The following PHLDA3 variants were observed in gnomAD, a reference collection of about 807,000 sequenced individuals.
The protein encoded by PHLDA3 is pleckstrin homology-like domain family A member 3.
In PHLDA3, 12 loss-of-function variants were observed where a neutral mutation model predicts 7.6. The ratio of observed to expected loss-of-function variants is 1.58; its 90% CI spans 1.01 to 2.55. The LOEUF is 2.55. PHLDA3 is among the 30% of genes most tolerant of loss of function. The probability of loss-of-function intolerance (pLI) is 0.00; values close to 1 mark genes in which losing one functional copy is unlikely to be tolerated. For synonymous variants in PHLDA3, 104 were observed against 85.1 expected (o/e 1.22, Z -1.23); for missense variants, 177 against 175.6 (o/e 1.01, Z -0.05).
chr1:201,468,027 C>A (rs1168236508), intron 1 of PHLDA3, among the ~76,000 whole-genome samples: 1 of 152,244 alleles, frequency 6.6e-6, no homozygotes, highest in Admixed American at 6.5e-5. Context: ...CCTCCCTCTA[C>A]TTCCTTCCAC....
chr1:201,466,790 TAAC>T (rs1378488703), intron 1 of PHLDA3: 3 of 151,858 alleles, frequency 2.0e-5, no homozygotes, highest in Admixed American at 1.3e-4. Flanking sequence ...ACATCACAAA[TAAC>T]AACTCATGAC....
rs1246476564 is a variant in PHLDA3 at position 201,468,729 on chromosome 1, C to T, written c.58G>A (p.Gly20Ser). Residue 20 changes from glycine (G) to serine (S), a missense_variant, in exon 1 of 2, where the codon GGC becomes AGC. By Grantham distance (56) the Gly-to-Ser change is moderately conservative. Coordinates refer to ENST00000367311, the MANE Select transcript of PHLDA3 (RefSeq NM_012396.5). Reference protein sequence around the residue: ...LKEGVLEKRSGGLLQLWKRKR... With the variant: ...LKEGVLEKRSSGLLQLWKRKR... ...CGCTTCCACAGCTGCAGCAGCCCGC[C>T]GCTGCGCTTCTCCAGCACGCCCTCC... is the stretch of plus-strand genomic sequence containing the variant. 6.2e-7 allele frequency: 1 copy of T among 1,600,944 alleles called. No homozygotes were observed. Among genetic ancestry groups the T allele is most frequent in the Admixed American group, 1.7e-5 (1 of 59,284 alleles).
intron 1 of PHLDA3, chr1:201,467,695 G>A (rs533630598): frequency 2.0e-5 from 3 of 152,272 alleles, no homozygotes; most frequent in Admixed American, 6.6e-5. Context: ...TGTAGAGGAG[G>A]AGCTGGATCC....
At position 201,468,341 on chromosome 1, in the gene PHLDA3, C is replaced by T; in HGVS notation, c.*62G>A. 1.3e-6 allele frequency: 2 copies of T among 1,585,844 alleles called. No individual in the cohort carries two copies. Among genetic ancestry groups the T allele is most frequent in the Non-Finnish European group, 1.7e-6 (2 of 1,165,548 alleles). ...AGGGCCCAGTCCCCCGGGGGCTTAC[C>T]TGCCTTGACCTCAGCACTGAGGTGG... On this transcript the variant is annotated splice_region_variant and 3_prime_UTR_variant, in exon 1 of 2. Transcript: ENST00000367311.
Position 201,465,586 on chromosome 1 carries a change from C to T in PHLDA3, c.*655G>A, listed in dbSNP as rs1229625788. On this transcript the variant is annotated 3_prime_UTR_variant, in exon 2 of 2. Transcript: ENST00000367311. ...CCCCTCACCCCCACCACCTTCAGGC[C>T]GAACACCGCAGTGGGGGGAAGATGC... 4 of 155,062 alleles carry T rather than the reference C, an allele frequency of 2.6e-5. No individual in the cohort carries two copies. Among genetic ancestry groups the T allele is most frequent in the East Asian group, 1.9e-4 (1 of 5,202 alleles). 9.6% of individuals were successfully genotyped at this position (155,062 alleles called of 1,614,324 possible).
intron 1 of PHLDA3, 39 bp downstream of exon 1, chr1:201,468,302 G>A (rs1432535521): frequency 1.6e-6 from 2 of 1,262,748 alleles, no homozygotes; most frequent in Non-Finnish European, 1.1e-6. Context: ...AGAGAAGGGA[G>A]GGAAGGAGAG....
rs1174568885 is a variant in PHLDA3 at position 201,468,828 on chromosome 1, C to A, written c.-42G>T. 1.4e-6 allele frequency: 2 copies of A among 1,472,248 alleles called. No homozygotes were observed. The highest frequency in any genetic ancestry group is 2.7e-5 in the South Asian group (2 of 74,968). The allele number at this position is 1,472,248 out of a possible 1,614,324, so 91.2% of individuals were successfully genotyped here. ...GCGGAAAGCTCCAGGCTGCGGCGGGCGCGGCGCCCCTCTCGGCCCCGCAGC... is the reference window on the plus strand; with the variant it reads ...GCGGAAAGCTCCAGGCTGCGGCGGGAGCGGCGCCCCTCTCGGCCCCGCAGC... On this transcript the variant is annotated 5_prime_UTR_variant, in exon 1 of 2. Transcript: ENST00000367311.
rs1663758238 is a variant in PHLDA3 at position 201,469,000 on chromosome 1, C to G, written c.-214G>C. On this transcript the variant is annotated 5_prime_UTR_variant, in exon 1 of 2. Coordinates refer to ENST00000367311, the MANE Select transcript of PHLDA3 (RefSeq NM_012396.5). ...CCAGCGCGCTCCGCGCCCACCGCCC[C>G]GCTTCAGCCGGCACCCGCTCCTCCG... The G allele has an allele frequency of 2.2e-6, 1 of 459,336 alleles. No homozygotes were observed. Among genetic ancestry groups the G allele is most frequent in the East Asian group, 4.1e-5 (1 of 24,562 alleles). The allele number at this position is 459,336 out of a possible 1,614,324, so 28.5% of individuals were successfully genotyped here.
intron 1 of PHLDA3, chr1:201,467,636 CCATACACACACACACA>C (rs1663698694): frequency 1.1e-5 from 1 of 87,726 alleles, no homozygotes; most frequent in South Asian, 4.2e-4. Flanking sequence ...CAACAACAAA[CCATACACACACACACA>C]CACACACACA....
At chr1:201,468,191 T>A in intron 1 of PHLDA3, 150 bp downstream of exon 1, 1 of 617,180 alleles carries the variant, frequency 1.6e-6, no homozygotes, top group Non-Finnish European at 2.7e-6. Flanking sequence ...GGTTGGCCAC[T>A]GGCCCAAGCC....
intron 1 of PHLDA3, among the ~76,000 whole-genome samples, chr1:201,467,291 G>A (rs947719533): frequency 6.6e-6 from 1 of 152,084 alleles, no homozygotes; most frequent in Non-Finnish European, 1.5e-5. Flanking sequence ...ACCAGTCTGG[G>A]CGACAGGTAG....
chr1:201,468,619 G>A lies in PHLDA3; in HGVS notation c.168C>T (p.Ala56=), dbSNP rs753663475. ...TGGRPKELSF[A]RIKAVECVES... ...CCACGCACTCCACGGCCTTGATGCG[G>A]GCGAAGCTGAGCTCCTTGGGCCGGC... is the stretch of plus-strand genomic sequence containing the variant. Residue 56 remains alanine (A), a synonymous_variant, in exon 1 of 2, where the codon GCC becomes GCT. Coordinates refer to ENST00000367311, the MANE Select transcript of PHLDA3 (RefSeq NM_012396.5). 6.2e-7 allele frequency: 1 copy of A among 1,613,650 alleles called. No homozygotes were observed. The highest frequency in any genetic ancestry group is 1.1e-5 in the South Asian group (1 of 91,080).
In PHLDA3 at chr1:201,464,514, G is replaced by C. The variant is rs916883533; in HGVS notation, c.*1727C>G. On this transcript the variant is annotated 3_prime_UTR_variant, in exon 2 of 2. Transcript: ENST00000367311. ...CTCTGAGGGACTGGGGCACAGGACA[G>C]GGAAGTTTTTATTGGAAGGCGAGAG... 6.6e-6 allele frequency: 1 copy of C among 152,260 alleles called. No individual in the cohort carries two copies. Among genetic ancestry groups the C allele is most frequent in the Admixed American group, 6.5e-5 (1 of 15,288 alleles). 9.4% of individuals were successfully genotyped at this position (152,260 alleles called of 1,614,324 possible). A position where few individuals can be genotyped will look rare whatever the true frequency, so the allele number is the denominator to read the frequency against.
rs2102391940 is a variant in PHLDA3 at position 201,465,046 on chromosome 1, A to C, written c.*1195T>G. ...AGGCTGGTCTCAAATTCCTGACCTC[A>C]GGTGATCCACCCACCTCAGCCTCCC... On this transcript the variant is annotated 3_prime_UTR_variant, in exon 2 of 2. Transcript: ENST00000367311. The C allele has an allele frequency of 6.6e-6, 1 of 152,336 alleles. No homozygotes were observed. Among genetic ancestry groups the C allele is most frequent in the South Asian group, 2.1e-4 (1 of 4,824 alleles). 9.4% of individuals were successfully genotyped at this position (152,336 alleles called of 1,614,324 possible).
rs1325535937 is a variant in PHLDA3, at chr1:201,468,508, G to A, written c.279C>T (p.Gly93=). The change falls in exon 1 of 2, where the codon GGC becomes GGT. Residue 93 remains glycine, a synonymous_variant. Coordinates refer to ENST00000367311, the MANE Select transcript of PHLDA3 (RefSeq NM_012396.5). ...GGCCTAGGGTGATCTGGGCGTTCCA[G>A]CCGGGATCTTCCAGGGGGCAGCGGA... ...IDFRCPLEDP[G]WNAQITLGLV... 4 of 1,614,202 alleles carry A rather than the reference G, an allele frequency of 2.5e-6. No homozygotes were observed. Among genetic ancestry groups the A allele is most frequent in the Non-Finnish European group, 3.4e-6 (4 of 1,180,036 alleles).
In PHLDA3 at chr1:201,465,650, G is replaced by C. The variant is rs1663643872; in HGVS notation, c.*591C>G. ...AAGAAGTGTGCAAAGAAAGGGCCTG[G>C]ATGGGTGGGGGTCCCAAAAGGACCT... On this transcript the variant is annotated 3_prime_UTR_variant, in exon 2 of 2. Transcript: ENST00000367311. 1 of 155,020 alleles carries C rather than the reference G, an allele frequency of 6.5e-6. No homozygotes were observed. The highest frequency in any genetic ancestry group is 2.4e-5 in the African/African-American group (1 of 41,534). 9.6% of individuals were successfully genotyped at this position (155,020 alleles called of 1,614,324 possible).
rs1271458062 is a variant in PHLDA3 at position 201,468,502 on chromosome 1, G to A, written c.285C>T (p.Asn95=). 6.2e-7 allele frequency: 1 copy of A among 1,614,176 alleles called. No individual in the cohort carries two copies. The highest frequency in any genetic ancestry group is 8.5e-7 in the Non-Finnish European group (1 of 1,180,020). The change falls in exon 1 of 2, where the codon AAC becomes AAT. Residue 95 remains asparagine, a synonymous_variant. Coordinates refer to ENST00000367311, the MANE Select transcript of PHLDA3 (RefSeq NM_012396.5). ...TGACCAGGCCTAGGGTGATCTGGGC[G>A]TTCCAGCCGGGATCTTCCAGGGGGC... The part of the protein sequence containing the change: ...FRCPLEDPGW[N]AQITLGLVKF...
chr1:201,467,544 G>C (rs927637355), intron 1 of PHLDA3: 2 of 152,322 alleles, frequency 1.3e-5, no homozygotes, highest in Non-Finnish European at 2.9e-5. Context: ...CCAGGAGGTA[G>C]AGGTTGCAAT....
In PHLDA3 at chr1:201,468,329, C is replaced by G. The variant is rs1041576884; in HGVS notation, c.*62+12G>C. The G allele has an allele frequency of 1.9e-6, 3 of 1,546,692 alleles. No individual in the cohort carries two copies. Among genetic ancestry groups the G allele is most frequent in the African/African-American group, 1.4e-5 (1 of 72,836 alleles). On this transcript the variant is annotated intron_variant, in intron 1 of 1. Coordinates refer to ENST00000367311, the MANE Select transcript of PHLDA3 (RefSeq NM_012396.5). The stretch of plus-strand genomic sequence containing the variant: ...GAAGGAGAGAAGAGGGCCCAGTCCC[C>G]CGGGGGCTTACCTGCCTTGACCTCA...
Sources: allele counts gnomAD v4.1 joint callset (sites outside exome capture counted in the v4.1 genomes callset), GRCh38; gene constraint gnomAD v4.1.1; transcripts MANE v1.5; gene names NCBI Gene and HGNC (gene_info 2026-07-23, HGNC 2026-07-21).